Variants in CSMD1 observed in about 807,000 individuals in gnomAD.
The protein encoded by CSMD1 is CUB and Sushi multiple domains 1.
In CSMD1, 213 loss-of-function variants were observed where a neutral mutation model predicts 417.5. That is an observed-to-expected ratio of 0.51 (90% confidence interval 0.46 to 0.57). CSMD1 has a LOEUF of 0.57. Ranked by LOEUF, CSMD1 falls within the 20% of genes least tolerant of loss-of-function variation. CSMD1 has a pLI of 0.00. For synonymous variants in CSMD1, 2,862 were observed against 1,736.8 expected (o/e 1.65, Z -16.11); for missense variants, 6,923 against 4,529.7 (o/e 1.53, Z -15.17).
chr8:4,178,190 T>C (rs574720665), intron 3 of CSMD1, among the ~76,000 whole-genome samples: 4 of 152,318 alleles, frequency 2.6e-5, no homozygotes, highest in Non-Finnish European at 5.9e-5. Context: ...AATACGATAC[T>C]GGCAGACCGA....
At chr8:3,094,800 C>CAAAAAAAAAAAA (rs33991879) in intron 47 of CSMD1, among the ~76,000 whole-genome samples, 3 of 105,404 alleles carry the variant, frequency 2.8e-5, no homozygotes, top group Non-Finnish European at 3.8e-5. Flanking sequence ...GCCCGTCTTA[C>CAAAAAAAAAAAA]AAAAAAAAAA....
rs376769146 is a variant in CSMD1 at position 4,070,035 on chromosome 8, T to A, written c.416-37936A>T. On this transcript the variant is annotated intron_variant, in intron 3 of 69. Coordinates refer to ENST00000635120, the MANE Select transcript of CSMD1 (RefSeq NM_033225.6). ...TCTTAAGAATTTTTTTTAATTAACT[T>A]ATTGGTGTTTTAACTATACTTTTCG... is the stretch of plus-strand genomic sequence containing the variant. Among the ~76,000 whole-genome samples, 4 of 152,300 alleles carry A rather than the reference T, an allele frequency of 2.6e-5. No individual in the cohort carries two copies. In the East Asian group the frequency reaches 7.7e-4, roughly 29 times the overall value.
chr8:4,580,759 T>G (rs1221351082), intron 2 of CSMD1, among the ~76,000 whole-genome samples: 2 of 152,224 alleles, frequency 1.3e-5, no homozygotes, highest in Non-Finnish European at 2.9e-5. Context: ...CCCTTTGAGG[T>G]TCTCCTAACA....
intron 10 of CSMD1, among the ~76,000 whole-genome samples, chr8:3,495,445 G>C (rs1257092057): frequency 6.6e-6 from 1 of 152,110 alleles, no homozygotes; most frequent in Admixed American, 6.5e-5. Context: ...CTCTCATTAG[G>C]GGTGGAAAAA....
intron 2 of CSMD1, among the ~76,000 whole-genome samples, chr8:4,616,370 G>T (rs992540564): frequency 6.6e-6 from 1 of 152,156 alleles, no homozygotes; most frequent in African/African-American, 2.4e-5. Context: ...AGGTCACATG[G>T]AGATGACCAC....
chr8:4,840,037 G>A (rs192576089), intron 1 of CSMD1, among the ~76,000 whole-genome samples: 2 of 152,272 alleles, frequency 1.3e-5, no homozygotes, highest in South Asian at 2.1e-4. Context: ...CTGGTTTGGG[G>A]TTCACAGCTA....
intron 10 of CSMD1, among the ~76,000 whole-genome samples, chr8:3,572,324 G>C (rs1238488018): frequency 6.6e-6 from 1 of 152,146 alleles, no homozygotes; most frequent in Non-Finnish European, 1.5e-5. Context: ...AGCAGTTGAG[G>C]GAGGGCTGAG....
At chr8:3,941,046 C>T (rs983190972) in intron 5 of CSMD1, among the ~76,000 whole-genome samples, 24 of 151,752 alleles carry the variant, frequency 1.6e-4, no homozygotes, top group Non-Finnish European at 1.9e-4. Flanking sequence ...TCAATACATT[C>T]ATATAATCAA....
intron 1 of CSMD1, among the ~76,000 whole-genome samples, chr8:4,851,303 T>C (rs915170551): frequency 1.3e-5 from 2 of 152,088 alleles, no homozygotes; most frequent in Admixed American, 6.6e-5. Flanking sequence ...CTGCATAGTA[T>C]TCTATGGTGT....
At chr8:4,342,346 A>T (rs1421245632) in intron 3 of CSMD1, among the ~76,000 whole-genome samples, 6 of 152,112 alleles carry the variant, frequency 3.9e-5, no homozygotes. Context: ...CACACAGAAA[A>T]ATATGTGTAT....
At chr8:4,779,984 CA>C (rs952454021) in intron 1 of CSMD1, among the ~76,000 whole-genome samples, 18 of 151,840 alleles carry the variant, frequency 1.2e-4, no homozygotes, top group African/African-American at 4.4e-4. Flanking sequence ...CTTGGCTTTT[CA>C]GCAAACATTC....
intron 4 of CSMD1, among the ~76,000 whole-genome samples, chr8:4,005,126 G>T (rs1182651010): frequency 1.3e-5 from 2 of 152,114 alleles, no homozygotes; most frequent in African/African-American, 4.8e-5. Flanking sequence ...ATGGACTTTG[G>T]AGATTTGGGG....
At chr8:4,325,443 T>A (rs1799505701) in intron 3 of CSMD1, among the ~76,000 whole-genome samples, 1 of 152,176 alleles carries the variant, frequency 6.6e-6, no homozygotes, top group African/African-American at 2.4e-5. Context: ...ATACATGGTA[T>A]TTACTTCATG....
intron 1 of CSMD1, among the ~76,000 whole-genome samples, chr8:4,664,746 A>G (rs1376467243): frequency 6.6e-6 from 1 of 152,058 alleles, no homozygotes; most frequent in East Asian, 1.9e-4. Flanking sequence ...TGCTAATCTT[A>G]TAGAGACAAT....
At chr8:4,246,173 C>T (rs1372694555) in intron 3 of CSMD1, among the ~76,000 whole-genome samples, 1 of 152,068 alleles carries the variant, frequency 6.6e-6, no homozygotes, top group African/African-American at 2.4e-5. Flanking sequence ...CTCTTTCTTC[C>T]AATATTCCAT....
At chr8:4,159,263 G>A (rs1192774304) in intron 3 of CSMD1, among the ~76,000 whole-genome samples, 2 of 152,138 alleles carry the variant, frequency 1.3e-5, no homozygotes, top group Admixed American at 1.3e-4. Context: ...ACTCATTGGG[G>A]TAGCATTTAG....
chr8:4,039,625 G>A (rs138069720), intron 3 of CSMD1, among the ~76,000 whole-genome samples: 4 of 152,278 alleles, frequency 2.6e-5, no homozygotes, highest in East Asian at 1.9e-4. Flanking sequence ...GAATGACAGT[G>A]AAAGAGAAGG....
chr8:4,221,913 C>T (rs181935841), intron 3 of CSMD1, among the ~76,000 whole-genome samples: 2 of 152,200 alleles, frequency 1.3e-5, no homozygotes, highest in Admixed American at 6.5e-5. Flanking sequence ...GAGAAAATGC[C>T]TAGAGAAGCT....
Position 3,409,746 on chromosome 8 carries a change from A to G in CSMD1, c.1562-141T>C, listed in dbSNP as rs1259243647. The G allele has an allele frequency of 4.8e-6, 3 of 621,984 alleles. No homozygotes were observed. In the African/African-American group the frequency reaches 5.5e-5, roughly 11 times the overall value. 38.5% of individuals were successfully genotyped at this position (621,984 alleles called of 1,614,324 possible). A position where few individuals can be genotyped will look rare whatever the true frequency, so the allele number is the denominator to read the frequency against. ...GTAAAGTGTTTCTAAAGGATATTCAATTGATCTTAAATTTAATTTCAAATA... is the reference window on the plus strand; with the variant it reads ...GTAAAGTGTTTCTAAAGGATATTCAGTTGATCTTAAATTTAATTTCAAATA... On this transcript the variant is annotated intron_variant, in intron 12 of 69. Transcript: ENST00000635120.
Sources: gnomAD v4.1 joint callset for allele counts (sites outside exome capture counted in the v4.1 genomes callset) on GRCh38, gnomAD v4.1.1 for gene constraint, MANE v1.5 for transcripts, NCBI Gene and HGNC (gene_info 2026-07-23, HGNC 2026-07-21) for gene names.